The following ZC3H7A variants were observed in gnomAD, a reference collection of about 807,000 sequenced individuals.
The protein encoded by ZC3H7A is zinc finger CCCH domain-containing protein 7A.
ZC3H7A carries 44 observed loss-of-function variants against 125.5 expected under a neutral mutation model. The ratio of observed to expected loss-of-function variants is 0.35; its 90% CI spans 0.28 to 0.45. ZC3H7A has a LOEUF of 0.45. Ranked by LOEUF, ZC3H7A falls within the 20% of genes least tolerant of loss-of-function variation. The pLI is 1.00. For synonymous variants in ZC3H7A, 399 were observed against 391.2 expected (o/e 1.02, Z -0.23); for missense variants, 977 against 1,170.7 (o/e 0.83, Z 2.41).
chr16:11,756,585 T>C (rs572649116), intron 20 of ZC3H7A, among the ~76,000 whole-genome samples: 1 of 152,308 alleles, frequency 6.6e-6, no homozygotes, highest in Non-Finnish European at 1.5e-5. Flanking sequence ...AGATGGCAAA[T>C]ATTAGTTCTC....
chr16:11,786,195 C>T (rs1370001247), intron 1 of ZC3H7A, among the ~76,000 whole-genome samples: 2 of 152,098 alleles, frequency 1.3e-5, no homozygotes, highest in African/African-American at 4.8e-5. Context: ...AAGGGACCAC[C>T]GGGCTTTTGT....
At chr16:11,755,887 G>A (rs183050121) in intron 21 of ZC3H7A, among the ~76,000 whole-genome samples, 46 of 152,222 alleles carry the variant, frequency 3.0e-4, no homozygotes, top group South Asian at 6.2e-4. Flanking sequence ...AAGAAAGGCC[G>A]GGCATGGTGG....
chr16:11,754,634 G>A (rs2052608351), intron 21 of ZC3H7A, among the ~76,000 whole-genome samples: 1 of 152,226 alleles, frequency 6.6e-6, no homozygotes, highest in East Asian at 1.9e-4. Context: ...GCTCACGCCT[G>A]TAATCCCAGC....
chr16:11,783,060 T>A (rs921550238), intron 1 of ZC3H7A: 2 of 152,244 alleles, frequency 1.3e-5, no homozygotes, highest in African/African-American at 4.8e-5. Context: ...CACGCACGCA[T>A]AAGCTGTCCC....
chr16:11,771,367 G>A (rs1375068947), intron 9 of ZC3H7A, among the ~76,000 whole-genome samples: 4 of 151,214 alleles, frequency 2.6e-5, no homozygotes, highest in Admixed American at 1.3e-4. Flanking sequence ...CAGCCTGGGC[G>A]ACAGAGCAAG....
intron 9 of ZC3H7A, among the ~76,000 whole-genome samples, chr16:11,772,840 A>G (rs1326572160): frequency 6.6e-6 from 1 of 151,444 alleles, no homozygotes; most frequent in African/African-American, 2.4e-5. Context: ...GCGATTACAG[A>G]TATGCACCAC....
intron 20 of ZC3H7A, among the ~76,000 whole-genome samples, chr16:11,757,664 G>A (rs1567373173): frequency 1.3e-5 from 2 of 152,096 alleles, no homozygotes; most frequent in Non-Finnish European, 2.9e-5. Flanking sequence ...TAAGACCAGT[G>A]GTGGCAGGAG....
intron 1 of ZC3H7A, among the ~76,000 whole-genome samples, chr16:11,784,666 C>A (rs1022725257): frequency 3.9e-5 from 6 of 152,004 alleles, no homozygotes; most frequent in Non-Finnish European, 8.8e-5. Flanking sequence ...AGCAGCCTGA[C>A]CAATATGGAG....
At chr16:11,774,897 T>C in intron 8 of ZC3H7A, 83 bp downstream of exon 8, 1 of 1,428,164 alleles carries the variant, frequency 7.0e-7, no homozygotes. Context: ...ACAGCGATAT[T>C]ATTTGACAAT....
chr16:11,768,998 C>T (rs370323590), intron 11 of ZC3H7A, 33 bp downstream of exon 11: 35 of 1,566,358 alleles, frequency 2.2e-5, no homozygotes, highest in Non-Finnish European at 2.2e-5. Context: ...TCAATTCAAG[C>T]GATGTATTTA....
chr16:11,786,274 T>C (rs1036611527), intron 1 of ZC3H7A, among the ~76,000 whole-genome samples: 1 of 152,128 alleles, frequency 6.6e-6, no homozygotes, highest in African/African-American at 2.4e-5. Flanking sequence ...CCCAGAGTAG[T>C]ATGCAGGATG....
In ZC3H7A at chr16:11,795,917, C is replaced by A. The variant is rs886428413; in HGVS notation, c.-35+1207G>T. ...TCCTGGGCTCAAGGGATTCTCCCAC[C>A]CCAGCCTTCCGAGTAGCAGATTCTC... On this transcript the variant is annotated intron_variant, in intron 1 of 22. Transcript: ENST00000355758. Among the ~76,000 whole-genome samples the A allele has an allele frequency of 2.6e-5, 4 of 152,150 alleles. No individual in the cohort carries two copies. The East Asian group carries it at 7.7e-4, about 29-fold the overall frequency.
At position 11,765,581 on chromosome 16, in the gene ZC3H7A, G is replaced by A. The variant is rs767687818; in HGVS notation, c.1627C>T (p.Arg543Trp). ...WTLERKGAFSREAFFGGNGKI... is the reference protein window; with the variant it reads ...WTLERKGAFSWEAFFGGNGKI... Reference sequence around the variant, plus strand: ...CCATTGCCGCCAAAGAAAGCCTCCCGGCTGAATGCTCCTTTCCGCTCCAGT... The same window carrying A: ...CCATTGCCGCCAAAGAAAGCCTCCCAGCTGAATGCTCCTTTCCGCTCCAGT... The change falls in exon 14 of 23, where the codon CGG (arginine) becomes TGG (tryptophan). Residue 543 changes from arginine (R) to tryptophan (W), a missense_variant. Around this residue, in one of 3 missense-constraint regions of ZC3H7A, gnomAD observed 436 missense variants for 603.2 expected, o/e 0.72. Transcript: ENST00000355758. The surrounding 1 kb of genome is among the most constrained non-coding windows in gnomAD (Gnocchi z 4.8). 9.9e-6 allele frequency: 16 copies of A among 1,613,954 alleles called. No homozygotes were observed. The highest frequency in any genetic ancestry group is 3.3e-4 in the Middle Eastern group (2 of 6,084).
At chr16:11,791,912 T>C (rs528901002) in intron 1 of ZC3H7A, among the ~76,000 whole-genome samples, 1 of 152,278 alleles carries the variant, frequency 6.6e-6, no homozygotes, top group South Asian at 2.1e-4. Context: ...AGGCACTTTG[T>C]TTTTTTGTTT....
At chr16:11,781,839 AG>A (rs1294430354) in intron 2 of ZC3H7A, among the ~76,000 whole-genome samples, 26 of 152,280 alleles carry the variant, frequency 1.7e-4, no homozygotes, top group African/African-American at 6.0e-4. Context: ...TCTCCTTCCC[AG>A]GAAGGAACAA....
At chr16:11,754,720 C>T (rs970134482) in intron 21 of ZC3H7A, among the ~76,000 whole-genome samples, 5 of 151,152 alleles carry the variant, frequency 3.3e-5, no homozygotes, top group African/African-American at 7.3e-5. Flanking sequence ...GGTGAAACTC[C>T]GTCTCTACTA....
intron 19 of ZC3H7A, chr16:11,759,147 A>T (rs1323675033): frequency 6.6e-6 from 1 of 152,242 alleles, no homozygotes; most frequent in Non-Finnish European, 1.5e-5. Context: ...AAATACAGTG[A>T]TACTGGTAGG....
chr16:11,781,113 C>T (rs550040149), intron 3 of ZC3H7A, among the ~76,000 whole-genome samples: 10 of 152,106 alleles, frequency 6.6e-5, no homozygotes, highest in African/African-American at 2.2e-4. Flanking sequence ...AAAAAAAAGT[C>T]CTATATAGAA....
chr16:11,782,461 C>G, intron 1 of ZC3H7A, 73 bp from the exon 2 acceptor site: 1 of 1,244,882 alleles, frequency 8.0e-7, no homozygotes, highest in Non-Finnish European at 1.2e-6. Flanking sequence ...ACCCACAAAT[C>G]CAGACCTTGT....
Sources: gnomAD v4.1 joint callset for allele counts (sites outside exome capture counted in the v4.1 genomes callset) on GRCh38, gnomAD v4.1.1 for gene constraint, gnomAD v4.1.1 regional missense constraint, Gnocchi (gnomAD v3.1) non-coding constraint, MANE v1.5 for transcripts, NCBI Gene and HGNC (gene_info 2026-07-23, HGNC 2026-07-21) for gene names.